Variants in LARP4B observed in about 807,000 individuals in gnomAD.
LARP4B encodes the protein La ribonucleoprotein 4B, also known as la-related protein 4B.
LARP4B carries 12 observed loss-of-function variants against 89.8 expected under a neutral mutation model. The ratio of observed to expected loss-of-function variants is 0.13; its 90% CI spans 0.09 to 0.22. The LOEUF (loss-of-function observed/expected upper bound fraction) is 0.22. Among genes scored for constraint, LARP4B ranks in the 10% least tolerant of loss-of-function variants. The pLI is 1.00. For missense variants in LARP4B, 757 were observed against 947.7 expected (o/e 0.80, Z 2.64); for synonymous variants, 367 against 363.3 (o/e 1.01, Z -0.12).
chr10:868,742 C>A (rs765042777), intron 3 of LARP4B, among the ~76,000 whole-genome samples: 1 of 152,162 alleles, frequency 6.6e-6, no homozygotes, highest in African/African-American at 2.4e-5. Context: ...AGTGTGGGCA[C>A]GGAAATAAAA....
chr10:808,216 GT>G (rs1007976494), downstream of LARP4B: 23 of 152,382 alleles, frequency 1.5e-4, no homozygotes, highest in African/African-American at 5.5e-4. Context: ...TTCTGGCAGG[GT>G]TTGTTATGTG....
Position 822,736 on chromosome 10 carries a change from AGTGGT to A in LARP4B, c.1485-1896_1485-1892del, listed in dbSNP as rs1478405492. ...CTGTGACACCCGCGACTCTGAATGC[AGTGGT>A]GTGAAGGCCTGAGACCCTGAAGAGG... On this transcript the variant is annotated intron_variant, in intron 13 of 17. Transcript: ENST00000316157. The surrounding 1 kb of genome is among the most constrained non-coding windows in gnomAD (Gnocchi z 4.6). 2.0e-5 allele frequency among the ~76,000 whole-genome samples: 3 copies of A among 152,198 alleles called. No individual in the cohort carries two copies. Among genetic ancestry groups the A allele is most frequent in the Non-Finnish European group, 2.9e-5 (2 of 68,026 alleles).
At chr10:861,537 GA>G in intron 5 of LARP4B, among the ~76,000 whole-genome samples, 1 of 152,112 alleles carries the variant, frequency 6.6e-6, no homozygotes, top group South Asian at 2.1e-4. Context: ...CTTTTAAAAA[GA>G]ATCACCTTTT....
chr10:921,599 C>T (rs1053378410), intron 1 of LARP4B, among the ~76,000 whole-genome samples: 1 of 152,012 alleles, frequency 6.6e-6, no homozygotes, highest in Non-Finnish European at 1.5e-5. Flanking sequence ...TGTGGCCTTG[C>T]CTGAAAGATA....
intron 5 of LARP4B, among the ~76,000 whole-genome samples, chr10:853,714 G>A (rs1224180301): frequency 6.6e-6 from 1 of 152,134 alleles, no homozygotes; most frequent in African/African-American, 2.4e-5. Flanking sequence ...ATCTATTGTT[G>A]GAAAATGTTA....
Position 842,917 on chromosome 10 carries a change from T to C in LARP4B, c.646+15A>G. On this transcript the variant is annotated intron_variant, in intron 7 of 17. Transcript: ENST00000316157. ...TAAGGACAAGTATTATTAATTTAAATTGTCATTTACTTACATCTTAGCACT... is the reference window on the plus strand; with the variant it reads ...TAAGGACAAGTATTATTAATTTAAACTGTCATTTACTTACATCTTAGCACT... 4 of 1,611,412 alleles carry C rather than the reference T, an allele frequency of 2.5e-6. No individual in the cohort carries two copies. The highest frequency in any genetic ancestry group is 3.4e-6 in the Non-Finnish European group (4 of 1,178,084).
the LARP4B span, among the ~76,000 whole-genome samples, chr10:979,999 C>T: frequency 6.6e-6 from 1 of 152,174 alleles, no homozygotes; most frequent in African/African-American, 2.4e-5. Flanking sequence ...GAGATATAGG[C>T]AGCATTGGGT....
chr10:947,978 G>A, the LARP4B span, among the ~76,000 whole-genome samples: 1,767 of 151,924 alleles, frequency 0.012, 31 homozygotes, highest in African/African-American at 0.039. Flanking sequence ...AACTTACCAC[G>A]CTGAAACTGC....
chr10:848,319 A>G (rs1833879167), intron 5 of LARP4B, among the ~76,000 whole-genome samples: 1 of 152,194 alleles, frequency 6.6e-6, no homozygotes, highest in African/African-American at 2.4e-5. Flanking sequence ...TCCCAGAACA[A>G]ATATCAAATA....
the LARP4B span, among the ~76,000 whole-genome samples, chr10:968,485 G>C: frequency 8.5e-5 from 13 of 152,092 alleles, no homozygotes; most frequent in Non-Finnish European, 1.2e-4. Context: ...AAATTGATAG[G>C]GTTTTACCCC....
chr10:829,642 T>C (rs754109204), intron 10 of LARP4B, 39 bp downstream of exon 10: 1 of 1,610,526 alleles, frequency 6.2e-7, no homozygotes, highest in Non-Finnish European at 8.5e-7. Context: ...AGAACATCAA[T>C]TTGCAAATAA....
At chr10:821,611 G>A (rs1455365789) in intron 13 of LARP4B, among the ~76,000 whole-genome samples, 1 of 152,176 alleles carries the variant, frequency 6.6e-6, no homozygotes, top group African/African-American at 2.4e-5. Context: ...ATAATTTAAT[G>A]GAATGCAAAG....
rs1257768844 is a variant in LARP4B, at chr10:888,918, C to G, written c.-39-3158G>C. Among the ~76,000 whole-genome samples, 3 of 152,162 alleles carry G rather than the reference C, an allele frequency of 2.0e-5. No homozygotes were observed. The East Asian group carries it at 5.8e-4, about 29-fold the overall frequency. ...ATGGACAACATGGCGACACTCATCT[C>G]TACACAAAATACAAAAATTAGCCGG... On this transcript the variant is annotated intron_variant, in intron 1 of 17. Transcript: ENST00000316157.
the LARP4B span, among the ~76,000 whole-genome samples, chr10:955,589 G>A: frequency 6.6e-6 from 1 of 152,066 alleles, no homozygotes; most frequent in African/African-American, 2.4e-5. The surrounding 1 kb of genome is among the most constrained non-coding windows in gnomAD (Gnocchi z 5.2). Context: ...GACCCTCCAC[G>A]GCCCCTCCAC....
At chr10:967,549 A>G in the LARP4B span, among the ~76,000 whole-genome samples, 2 of 152,326 alleles carry the variant, frequency 1.3e-5, no homozygotes, top group Non-Finnish European at 2.9e-5. Context: ...AACGAGTTCC[A>G]GCCTAAGCAA....
the LARP4B span, among the ~76,000 whole-genome samples, chr10:982,844 A>C: frequency 6.6e-6 from 1 of 152,268 alleles, no homozygotes; most frequent in East Asian, 1.9e-4. Flanking sequence ...ATAAGGCGAA[A>C]GGAAACAGGA....
At chr10:948,896 C>G in the LARP4B span, among the ~76,000 whole-genome samples, 1 of 152,180 alleles carries the variant, frequency 6.6e-6, no homozygotes, top group African/African-American at 2.4e-5. Context: ...TAACCACACA[C>G]CGGTTCAAGG....
At chr10:901,671 GCGTCCAAT>G (rs775005523) in intron 1 of LARP4B, among the ~76,000 whole-genome samples, 19 of 152,116 alleles carry the variant, frequency 1.2e-4, no homozygotes, top group Admixed American at 2.0e-4. Context: ...TAAAAGAAAT[GCGTCCAAT>G]CTCAGTAGAG....
intron 5 of LARP4B, among the ~76,000 whole-genome samples, chr10:859,276 CA>C (rs56896752): frequency 9.9e-5 from 14 of 141,446 alleles, no homozygotes; most frequent in Admixed American, 1.4e-4. Flanking sequence ...TATTCCATTT[CA>C]AAAAAAAAAA....
Sources: gnomAD v4.1 joint callset for allele counts (sites outside exome capture counted in the v4.1 genomes callset) on GRCh38, gnomAD v4.1.1 for gene constraint, Gnocchi (gnomAD v3.1) non-coding constraint, MANE v1.5 for transcripts, NCBI Gene and HGNC (gene_info 2026-07-23, HGNC 2026-07-21) for gene names.